SLC60A2: variants seen among roughly 807,000 people sequenced by gnomAD.
SLC60A2 encodes major facilitator superfamily domain containing 4B.
At chr6:111,272,271 G>A in the SLC60A2 span, among the ~76,000 whole-genome samples, 1 of 152,056 alleles carries the variant, frequency 6.6e-6, no homozygotes, top group African/African-American at 2.4e-5. Context: ...CCAAAGTGCT[G>A]GGATTACATG....
chr6:111,260,549 G>A, the SLC60A2 span, among the ~76,000 whole-genome samples: 4 of 152,202 alleles, frequency 2.6e-5, no homozygotes, highest in African/African-American at 7.2e-5. Flanking sequence ...CAAAGGGCAA[G>A]CCTAGAGGCG....
At chr6:111,267,215 G>T in the SLC60A2 span, 21 of 1,289,252 alleles carry the variant, frequency 1.6e-5, no homozygotes, top group East Asian at 4.7e-4. Flanking sequence ...ATGCTTTGGG[G>T]ATTAAAATTT....
chr6:111,262,508 G>A, the SLC60A2 span: 1 of 1,347,726 alleles, frequency 7.4e-7, no homozygotes, highest in African/African-American at 1.4e-5. Context: ...ATACTAGCAT[G>A]CAGAATGGTT....
the SLC60A2 span, chr6:111,265,482 G>A: frequency 4.2e-6 from 3 of 713,942 alleles, no homozygotes; most frequent in Admixed American, 6.3e-5. Context: ...AGTACAGAAA[G>A]CTTTGGTAAT....
At chr6:111,275,652 C>T in the SLC60A2 span, among the ~76,000 whole-genome samples, 2 of 152,118 alleles carry the variant, frequency 1.3e-5, no homozygotes, top group Non-Finnish European at 2.9e-5. Context: ...TTGTGATCCA[C>T]CCACCTCGGC....
chr6:111,270,408 C>T, the SLC60A2 span: 1 of 152,306 alleles, frequency 6.6e-6, no homozygotes, highest in Non-Finnish European at 1.5e-5. Context: ...AAGAGCAGGA[C>T]ATGATGGCTC....
At chr6:111,273,137 A>G in the SLC60A2 span, among the ~76,000 whole-genome samples, 1 of 152,088 alleles carries the variant, frequency 6.6e-6, no homozygotes, top group Non-Finnish European at 1.5e-5. Context: ...AGAAAAGATT[A>G]TATTGTGGTC....
chr6:111,272,841 A>G, the SLC60A2 span, among the ~76,000 whole-genome samples: 1 of 150,352 alleles, frequency 6.7e-6, no homozygotes, highest in East Asian at 2.0e-4. Flanking sequence ...ATATGTGTAT[A>G]TTTTTTAAGA....
the SLC60A2 span, chr6:111,277,930 A>G: frequency 6.6e-6 from 1 of 152,182 alleles, no homozygotes; most frequent in Non-Finnish European, 1.5e-5. Context: ...ATCTTGGATT[A>G]CAGCTCCAAA....
the SLC60A2 span, among the ~76,000 whole-genome samples, chr6:111,264,645 G>A: frequency 1.3e-5 from 2 of 151,894 alleles, no homozygotes; most frequent in African/African-American, 2.4e-5. Context: ...AAAATTAGCC[G>A]GGTGTGGTGG....
the SLC60A2 span, among the ~76,000 whole-genome samples, chr6:111,273,508 T>G: frequency 1.9e-4 from 14 of 72,554 alleles, no homozygotes; most frequent in Non-Finnish European, 5.7e-4. Context: ...TTTTTTTTTT[T>G]TTTTTGTTTA....
chr6:111,266,519 A>G, the SLC60A2 span: 1 of 1,614,184 alleles, frequency 6.2e-7, no homozygotes, highest in Non-Finnish European at 8.5e-7. Context: ...ACAAGAACCC[A>G]ATTTGTCTCT....
chr6:111,266,605 C>G, the SLC60A2 span: 3 of 1,614,200 alleles, frequency 1.9e-6, no homozygotes, highest in Non-Finnish European at 2.5e-6. Flanking sequence ...GAGCAGTACA[C>G]GACCATCCAT....
chr6:111,266,285 T>C, the SLC60A2 span: 1 of 1,614,250 alleles, frequency 6.2e-7, no homozygotes, highest in African/African-American at 1.3e-5. Flanking sequence ...TCTTTTTTTA[T>C]GTTGGAGCTG....
chr6:111,278,749 A>T, the SLC60A2 span: 1 of 152,228 alleles, frequency 6.6e-6, no homozygotes, highest in Admixed American at 6.5e-5. Context: ...AAATTACCTA[A>T]TCTCAGGTCT....
chr6:111,278,224 G>A, the SLC60A2 span: 5 of 152,164 alleles, frequency 3.3e-5, no homozygotes, highest in Non-Finnish European at 7.3e-5. Context: ...ACTGTTCACG[G>A]TGAAAAACAG....
the SLC60A2 span, among the ~76,000 whole-genome samples, chr6:111,272,408 C>G: frequency 0.41 from 62,427 of 151,950 alleles, 15,287 homozygotes; most frequent in Non-Finnish European, 0.55. Flanking sequence ...TAGGAAAATT[C>G]CACATCTTGT....
At chr6:111,264,870 G>C in the SLC60A2 span, among the ~76,000 whole-genome samples, 63 of 151,764 alleles carry the variant, frequency 4.2e-4, 1 homozygote, top group African/African-American at 1.5e-3. Context: ...GTGTCGGGCA[G>C]ATCACCTGAG....
the SLC60A2 span, among the ~76,000 whole-genome samples, chr6:111,275,165 C>T: frequency 5.3e-5 from 8 of 151,916 alleles, no homozygotes; most frequent in Non-Finnish European, 1.5e-5. Context: ...GCAATCCTTC[C>T]ACCTCAGCTA....
Sources: gnomAD v4.1 joint callset for allele counts (sites outside exome capture counted in the v4.1 genomes callset) on GRCh38, gnomAD v4.1.1 for gene constraint, MANE v1.5 for transcripts, NCBI Gene and HGNC (gene_info 2026-07-23, HGNC 2026-07-21) for gene names.